Variants in HS6ST3 observed in about 807,000 individuals in gnomAD.
The protein encoded by HS6ST3 is heparan sulfate 6-O-sulfotransferase 3.
Under a neutral mutation model 36.7 loss-of-function variants are expected in HS6ST3, and 12 were observed. That is an observed-to-expected ratio of 0.33 (90% CI 0.21 to 0.53). HS6ST3 has a LOEUF of 0.53. Among genes scored for constraint, HS6ST3 ranks in the 20% least tolerant of loss-of-function variants. HS6ST3 has a pLI of 0.95. For missense variants in HS6ST3, 584 were observed against 640.9 expected, an observed-to-expected ratio of 0.91 and a Z score of 0.96; for synonymous variants, 240 against 257.5, an observed-to-expected ratio of 0.93 and a Z score of 0.65.
chr13:96,615,097 A>G (rs2056469556), intron 1 of HS6ST3, among the ~76,000 whole-genome samples: 2 of 152,206 alleles, frequency 1.3e-5, no homozygotes, highest in South Asian at 4.1e-4. Context: ...AAAATTTCTT[A>G]TATTAGTATT....
intron 1 of HS6ST3, among the ~76,000 whole-genome samples, chr13:96,354,356 A>T (rs2055199341): frequency 6.6e-6 from 1 of 152,214 alleles, no homozygotes. Context: ...AAATTTCTGC[A>T]AGGAAACTCA....
intron 1 of HS6ST3, among the ~76,000 whole-genome samples, chr13:96,268,486 GT>G (rs1328255583): frequency 6.6e-6 from 1 of 151,844 alleles, no homozygotes; most frequent in African/African-American, 2.4e-5. Context: ...CTCCAACTGG[GT>G]TCCTCCCACG....
intron 1 of HS6ST3, among the ~76,000 whole-genome samples, chr13:96,665,784 A>G (rs759190394): frequency 6.6e-6 from 1 of 152,138 alleles, no homozygotes; most frequent in Non-Finnish European, 1.5e-5. Flanking sequence ...TTATTATCCT[A>G]CAGGAATAGT....
intron 1 of HS6ST3, among the ~76,000 whole-genome samples, chr13:96,373,979 A>C (rs1479411405): frequency 6.6e-6 from 1 of 152,078 alleles, no homozygotes; most frequent in African/African-American, 2.4e-5. Context: ...ATTCAGGGGG[A>C]ACAAAATGAT....
chr13:96,756,612 A>C (rs1176787273), intron 1 of HS6ST3, among the ~76,000 whole-genome samples: 3 of 152,340 alleles, frequency 2.0e-5, no homozygotes, highest in East Asian at 1.9e-4. Flanking sequence ...ATCTTAACAA[A>C]AGAAAGTCTT....
At chr13:96,256,983 G>A (rs965948950) in intron 1 of HS6ST3, among the ~76,000 whole-genome samples, 1 of 152,092 alleles carries the variant, frequency 6.6e-6, no homozygotes, top group Admixed American at 6.6e-5. Flanking sequence ...TTGGGATCTG[G>A]TTTAACATTT....
chr13:96,718,997 G>A lies in HS6ST3; in HGVS notation c.708-113493G>A, dbSNP rs113610508. The stretch of plus-strand genomic sequence containing the variant: ...CACCTAAGAAGTTTCTATTTCATCC[G>A]GTCATGGTGGCTGACGCCTGTAATC... On this transcript the variant is annotated intron_variant, in intron 1 of 1. Transcript: ENST00000376705. Among the ~76,000 whole-genome samples, 111 of 152,124 alleles carry A rather than the reference G, an allele frequency of 7.3e-4. 2 individuals carry two copies. Among genetic ancestry groups the A allele is most frequent in the African/African-American group, 2.5e-3 (105 of 41,504 alleles).
intron 1 of HS6ST3, among the ~76,000 whole-genome samples, chr13:96,267,896 T>C (rs2054700450): frequency 6.6e-6 from 1 of 151,902 alleles, no homozygotes; most frequent in African/African-American, 2.4e-5. Context: ...GGACTAAACA[T>C]GGAACAGATT....
At chr13:96,509,505 T>C (rs758356349) in intron 1 of HS6ST3, among the ~76,000 whole-genome samples, 1 of 152,226 alleles carries the variant, frequency 6.6e-6, no homozygotes, top group African/African-American at 2.4e-5. Context: ...TTGATCCATC[T>C]TGAGTTGATT....
intron 1 of HS6ST3, among the ~76,000 whole-genome samples, chr13:96,166,929 C>T (rs1379078858): frequency 6.6e-6 from 1 of 152,058 alleles, no homozygotes; most frequent in Admixed American, 6.5e-5. Flanking sequence ...GGGGCTTTTA[C>T]CCCTTTTGCT....
At chr13:96,581,694 A>C (rs1346048218) in intron 1 of HS6ST3, among the ~76,000 whole-genome samples, 1 of 152,226 alleles carries the variant, frequency 6.6e-6, no homozygotes, top group African/African-American at 2.4e-5. Context: ...GGTAATGAAC[A>C]ATGTTGATAC....
At chr13:96,241,926 C>T (rs2054562441) in intron 1 of HS6ST3, among the ~76,000 whole-genome samples, 1 of 151,818 alleles carries the variant, frequency 6.6e-6, no homozygotes, top group African/African-American at 2.4e-5. Flanking sequence ...GCTGGGACCA[C>T]AGGCGTCCAC....
At chr13:96,598,998 GCATCCC>G (rs2056412060) in intron 1 of HS6ST3, among the ~76,000 whole-genome samples, 1 of 152,038 alleles carries the variant, frequency 6.6e-6, no homozygotes, top group Non-Finnish European at 1.5e-5. Flanking sequence ...AACCATCCCT[GCATCCC>G]TGGCATGAAA....
chr13:96,325,815 G>A (rs996695597), intron 1 of HS6ST3, among the ~76,000 whole-genome samples: 3 of 152,192 alleles, frequency 2.0e-5, no homozygotes, highest in Non-Finnish European at 4.4e-5. Flanking sequence ...AAGATATTGT[G>A]AAATCCACTT....
intron 1 of HS6ST3, among the ~76,000 whole-genome samples, chr13:96,326,670 C>T (rs1396097310): frequency 2.0e-5 from 3 of 152,044 alleles, no homozygotes; most frequent in Non-Finnish European, 4.4e-5. Flanking sequence ...GCACCTTGTT[C>T]TGTAATCCTT....
chr13:96,154,582 G>A (rs1401264759), intron 1 of HS6ST3, among the ~76,000 whole-genome samples: 1 of 152,072 alleles, frequency 6.6e-6, no homozygotes, highest in Non-Finnish European at 1.5e-5. Context: ...GAGTAAAAGA[G>A]ATCGCCTCTT....
At chr13:96,322,407 A>G (rs1178779934) in intron 1 of HS6ST3, among the ~76,000 whole-genome samples, 4 of 144,878 alleles carry the variant, frequency 2.8e-5, no homozygotes, top group African/African-American at 7.7e-5. Context: ...AAAAACAAGC[A>G]TTATCCAGGT....
intron 1 of HS6ST3, among the ~76,000 whole-genome samples, chr13:96,391,658 C>T (rs1284554151): frequency 6.6e-6 from 1 of 152,068 alleles, no homozygotes; most frequent in African/African-American, 2.4e-5. Flanking sequence ...CAAGGAGGAG[C>T]AAGTCACGTA....
In HS6ST3 at chr13:96,679,139, A is replaced by C. The variant is rs112526502; in HGVS notation, c.708-153351A>C. Among the ~76,000 whole-genome samples the C allele has an allele frequency of 6.2e-4, 92 of 148,782 alleles. 1 individual carries two copies. The highest frequency in any genetic ancestry group is 2.2e-3 in the African/African-American group (89 of 40,266). Reference sequence around the variant, plus strand: ...CCCCTATCTAGTTTGCCTCAGCAAAATTCTGCTATGCTTCTTATTTCAGTT... The same window carrying C: ...CCCCTATCTAGTTTGCCTCAGCAAACTTCTGCTATGCTTCTTATTTCAGTT... On this transcript the variant is annotated intron_variant, in intron 1 of 1. Transcript: ENST00000376705.
Sources: gnomAD v4.1 joint callset for allele counts (sites outside exome capture counted in the v4.1 genomes callset) on GRCh38, gnomAD v4.1.1 for gene constraint, MANE v1.5 for transcripts, NCBI Gene and HGNC (gene_info 2026-07-23, HGNC 2026-07-21) for gene names.